The following CDH13 variants were observed in gnomAD, a reference collection of about 807,000 sequenced individuals.
The protein encoded by CDH13 is cadherin-13.
A neutral mutation model predicts 63.8 loss-of-function variants in CDH13; 24 were observed. The ratio of observed to expected loss-of-function variants is 0.38; its 90% CI spans 0.27 to 0.53. The LOEUF (loss-of-function observed/expected upper bound fraction) is 0.53. CDH13 is among the 20% of genes least tolerant of loss of function. CDH13 has a pLI of 0.85. For missense variants in CDH13, 1,049 were observed against 903.1 expected, an observed-to-expected ratio of 1.16 and a Z score of -2.07; for synonymous variants, 503 against 355.3, an observed-to-expected ratio of 1.42 and a Z score of -4.67.
chr16:83,551,682 C>G (rs2075501816), intron 7 of CDH13, among the ~76,000 whole-genome samples: 1 of 152,144 alleles, frequency 6.6e-6, no homozygotes, highest in South Asian at 2.1e-4. Context: ...CATCTGGGGA[C>G]CTTTTTCTGA....
In CDH13 at chr16:83,056,669, C is replaced by T. The variant is rs112797426; in HGVS notation, c.366+24451C>T. On this transcript the variant is annotated intron_variant, in intron 3 of 13. Coordinates refer to ENST00000567109, the MANE Select transcript of CDH13 (RefSeq NM_001257.5). ...CAGGATGGTGGTGATATGGTTTGGC[C>T]GTGTCACCATCCAAGTCTCATCTTG... is the stretch of plus-strand genomic sequence containing the variant. Among the ~76,000 whole-genome samples the T allele has an allele frequency of 1.5e-3, 227 of 152,190 alleles. 1 individual carries two copies. The highest frequency in any genetic ancestry group is 5.2e-3 in the African/African-American group (216 of 41,542).
chr16:82,750,179 G>A (rs957785347), intron 1 of CDH13, among the ~76,000 whole-genome samples: 20 of 152,270 alleles, frequency 1.3e-4, no homozygotes, highest in Admixed American at 5.2e-4. Flanking sequence ...AGAGGGCAGC[G>A]GTTGTAAACA....
intron 1 of CDH13, among the ~76,000 whole-genome samples, chr16:82,838,920 C>T (rs528752493): frequency 1.3e-5 from 2 of 152,212 alleles, no homozygotes; most frequent in Non-Finnish European, 2.9e-5. Context: ...CTCAAAGAGC[C>T]AGATAATAAA....
intron 10 of CDH13, among the ~76,000 whole-genome samples, chr16:83,747,415 C>T (rs920353205): frequency 2.0e-5 from 3 of 152,168 alleles, no homozygotes; most frequent in African/African-American, 7.2e-5. Context: ...CCACGTAAGA[C>T]ATGCCTTTCA....
intron 2 of CDH13, among the ~76,000 whole-genome samples, chr16:82,908,521 T>C (rs796322316): frequency 3.3e-5 from 5 of 152,318 alleles, no homozygotes; most frequent in African/African-American, 1.2e-4. Context: ...TTAAACACCT[T>C]ATTTAACAAT....
rs16958220 is a variant in CDH13, at chr16:82,682,130, A to G, written c.45+54993A>G. On this transcript the variant is annotated intron_variant, in intron 1 of 13. Coordinates refer to ENST00000567109, the MANE Select transcript of CDH13 (RefSeq NM_001257.5). ...TATGAGAAGACACTGGCTTGTGTTCATTTTGCCTCTCTTGTTCCCAATGAT... is the reference window on the plus strand; with the variant it reads ...TATGAGAAGACACTGGCTTGTGTTCGTTTTGCCTCTCTTGTTCCCAATGAT... 3.2e-3 allele frequency among the ~76,000 whole-genome samples: 489 copies of G among 152,288 alleles called. 2 individuals are homozygous for G. The highest frequency in any genetic ancestry group is 0.011 in the African/African-American group (462 of 41,554).
chr16:83,594,429 T>C (rs993813439), intron 7 of CDH13, among the ~76,000 whole-genome samples: 3 of 147,974 alleles, frequency 2.0e-5, no homozygotes, highest in South Asian at 4.3e-4. Flanking sequence ...ATTGATCACA[T>C]ATTGATTGAC....
intron 1 of CDH13, among the ~76,000 whole-genome samples, chr16:82,641,899 C>A (rs1909445350): frequency 6.6e-6 from 1 of 151,944 alleles, no homozygotes; most frequent in African/African-American, 2.4e-5. Flanking sequence ...GTGATGAGTG[C>A]CATGAAGAAT....
At chr16:82,788,407 C>T (rs1013588171) in intron 1 of CDH13, among the ~76,000 whole-genome samples, 3 of 152,184 alleles carry the variant, frequency 2.0e-5, no homozygotes, top group East Asian at 3.9e-4. Flanking sequence ...ATGTGGTCCA[C>T]GTGACTCTTA....
At chr16:83,244,189 T>C (rs1904755852) in intron 5 of CDH13, among the ~76,000 whole-genome samples, 1 of 152,084 alleles carries the variant, frequency 6.6e-6, no homozygotes, top group Non-Finnish European at 1.5e-5. Flanking sequence ...TGTTCTTTAT[T>C]GATAGTGTTT....
At chr16:83,072,432 T>C (rs1490333225) in intron 3 of CDH13, among the ~76,000 whole-genome samples, 3 of 152,220 alleles carry the variant, frequency 2.0e-5, no homozygotes, top group African/African-American at 7.2e-5. Flanking sequence ...TAGTTTTTCC[T>C]GGAGGATTCT....
intron 2 of CDH13, among the ~76,000 whole-genome samples, chr16:82,888,340 C>A (rs62035223): frequency 6.6e-6 from 1 of 152,192 alleles, no homozygotes; most frequent in Non-Finnish European, 1.5e-5. Flanking sequence ...TGTGAAGCTG[C>A]TGGACTGGGC....
At chr16:83,751,026 A>G (rs899049567) in intron 11 of CDH13, among the ~76,000 whole-genome samples, 2 of 151,666 alleles carry the variant, frequency 1.3e-5, no homozygotes, top group African/African-American at 4.8e-5. Context: ...AAGATGTGAG[A>G]AGTTGGGAAG....
intron 8 of CDH13, among the ~76,000 whole-genome samples, chr16:83,625,719 T>C (rs1278504427): frequency 6.6e-6 from 1 of 152,206 alleles, no homozygotes; most frequent in African/African-American, 2.4e-5. Flanking sequence ...GGCAGCTTGG[T>C]GGTCCCTAGC....
At chr16:82,865,081 G>C (rs2040079451) in intron 2 of CDH13, among the ~76,000 whole-genome samples, 1 of 152,250 alleles carries the variant, frequency 6.6e-6, no homozygotes, top group Non-Finnish European at 1.5e-5. Flanking sequence ...CCTGATGCAA[G>C]AGGTGGGTTC....
rs549748207 is a variant in CDH13 at position 83,049,518 on chromosome 16, G to A, written c.366+17300G>A. Reference sequence around the variant, plus strand: ...CCCAGCTAATTTTTTGTATTTTTTAGTAGAGACCGGGTTTCACCGTGTTAG... The same window carrying A: ...CCCAGCTAATTTTTTGTATTTTTTAATAGAGACCGGGTTTCACCGTGTTAG... On this transcript the variant is annotated intron_variant, in intron 3 of 13. Coordinates refer to ENST00000567109, the MANE Select transcript of CDH13 (RefSeq NM_001257.5). Among the ~76,000 whole-genome samples, 14 of 151,926 alleles carry A rather than the reference G, an allele frequency of 9.2e-5. No homozygotes were observed. In the South Asian group the frequency reaches 1.7e-3, roughly 18 times the overall value.
intron 2 of CDH13, among the ~76,000 whole-genome samples, chr16:83,029,083 T>A (rs569143185): frequency 6.6e-6 from 1 of 152,324 alleles, no homozygotes; most frequent in East Asian, 1.9e-4. Flanking sequence ...ATTGTAAAGA[T>A]TAACTAAGGT....
intron 2 of CDH13, among the ~76,000 whole-genome samples, chr16:82,969,971 G>A (rs1219983100): frequency 1.3e-5 from 2 of 151,308 alleles, no homozygotes; most frequent in Middle Eastern, 3.2e-3. Context: ...AAGTTCTGGG[G>A]TACGTGTGCA....
At chr16:83,541,925 A>G (rs28665407) in intron 7 of CDH13, among the ~76,000 whole-genome samples, 1,539 of 152,322 alleles carry the variant, frequency 0.01, 18 homozygotes, top group African/African-American at 0.035. Flanking sequence ...TTTCTTATCC[A>G]TCATTGTACC....
Sources: gnomAD v4.1 joint callset for allele counts (sites outside exome capture counted in the v4.1 genomes callset) on GRCh38, gnomAD v4.1.1 for gene constraint, MANE v1.5 for transcripts, NCBI Gene and HGNC (gene_info 2026-07-23, HGNC 2026-07-21) for gene names.